The following AFG2A variants were observed in gnomAD, a reference collection of about 807,000 sequenced individuals.
The protein encoded by AFG2A is AAA ATPase AFG2A, also known as ATPase family gene 2 protein homolog A.
At chr4:122,927,300 C>T in the AFG2A span, among the ~76,000 whole-genome samples, 33 of 152,142 alleles carry the variant, frequency 2.2e-4, no homozygotes, top group African/African-American at 2.9e-4. Context: ...ATACTAGTAG[C>T]TGACTCAACT....
the AFG2A span, among the ~76,000 whole-genome samples, chr4:123,116,033 G>C: frequency 3.9e-5 from 6 of 151,976 alleles, no homozygotes; most frequent in African/African-American, 1.4e-4. Flanking sequence ...CCAAGTAGCT[G>C]GGACTACAGG....
the AFG2A span, chr4:122,935,879 A>C: frequency 3.2e-6 from 5 of 1,540,948 alleles, no homozygotes; most frequent in Non-Finnish European, 8.8e-7. Flanking sequence ...ACTTACTATT[A>C]AATATATTTC....
chr4:123,247,420 A>G, the AFG2A span, among the ~76,000 whole-genome samples: 2 of 152,022 alleles, frequency 1.3e-5, no homozygotes, highest in Non-Finnish European at 2.9e-5. Flanking sequence ...TGCTTATTTT[A>G]AGGGTAATTG....
At chr4:122,974,689 G>A in the AFG2A span, among the ~76,000 whole-genome samples, 1 of 152,142 alleles carries the variant, frequency 6.6e-6, no homozygotes, top group African/African-American at 2.4e-5. Context: ...TGCCCAGGCT[G>A]GAGTGCAATG....
At chr4:123,143,729 G>A in the AFG2A span, among the ~76,000 whole-genome samples, 3 of 150,968 alleles carry the variant, frequency 2.0e-5, no homozygotes, top group East Asian at 1.9e-4. Context: ...TGCATTTCTC[G>A]GTGGATGAAT....
the AFG2A span, among the ~76,000 whole-genome samples, chr4:123,199,462 G>GTTTTTTT: frequency 9.5e-4 from 45 of 47,440 alleles, 2 homozygotes; most frequent in African/African-American, 2.5e-3. Context: ...ATACTCAGAG[G>GTTTTTTT]TTTTTTTTTT....
chr4:122,954,378 C>G, the AFG2A span, among the ~76,000 whole-genome samples: 2 of 152,222 alleles, frequency 1.3e-5, no homozygotes, highest in Non-Finnish European at 2.9e-5. Flanking sequence ...TGGTATGCTA[C>G]CATCTTTCAG....
chr4:123,182,785 C>A, the AFG2A span, among the ~76,000 whole-genome samples: 1 of 152,130 alleles, frequency 6.6e-6, no homozygotes, highest in Non-Finnish European at 1.5e-5. Flanking sequence ...TTAGTTATTT[C>A]CAACAAAAGC....
chr4:123,127,005 A>G, the AFG2A span, among the ~76,000 whole-genome samples: 3 of 152,190 alleles, frequency 2.0e-5, no homozygotes, highest in Admixed American at 2.0e-4. Flanking sequence ...AGGATCACTT[A>G]AGGCTAGGAG....
the AFG2A span, among the ~76,000 whole-genome samples, chr4:123,247,876 G>A: frequency 6.6e-6 from 1 of 152,124 alleles, no homozygotes; most frequent in Non-Finnish European, 1.5e-5. Flanking sequence ...AGTATAATTT[G>A]ACTTACCTCA....
At chr4:123,317,224 CAAAAAAAA>C in the AFG2A span, 1 of 104,688 alleles carries the variant, frequency 9.6e-6, no homozygotes, top group Non-Finnish European at 1.8e-5. Flanking sequence ...GACTCCGTCT[CAAAAAAAA>C]AAAAAAAAAA....
chr4:123,275,009 A>G, the AFG2A span, among the ~76,000 whole-genome samples: 108 of 152,232 alleles, frequency 7.1e-4, no homozygotes, highest in Middle Eastern at 3.4e-3. Context: ...TGTGCTGGAA[A>G]AAGTTTGTGT....
At chr4:122,936,707 C>T in the AFG2A span, among the ~76,000 whole-genome samples, 4 of 151,864 alleles carry the variant, frequency 2.6e-5, no homozygotes, top group Non-Finnish European at 5.9e-5. Flanking sequence ...TGGCTGGGTG[C>T]GGTGGCTCAC....
the AFG2A span, among the ~76,000 whole-genome samples, chr4:123,187,099 A>C: frequency 5.9e-5 from 9 of 152,188 alleles, no homozygotes; most frequent in Non-Finnish European, 1.0e-4. Flanking sequence ...TTTTGTTACT[A>C]TTGTTTTGTA....
the AFG2A span, among the ~76,000 whole-genome samples, chr4:123,240,872 T>C: frequency 6.6e-6 from 1 of 151,650 alleles, no homozygotes; most frequent in East Asian, 1.9e-4. Context: ...TCAACAAAAT[T>C]GATAGACTGC....
the AFG2A span, among the ~76,000 whole-genome samples, chr4:122,939,845 T>C: frequency 3.9e-5 from 6 of 152,326 alleles, no homozygotes; most frequent in Admixed American, 6.5e-5. Context: ...TGTGTTCTCA[T>C]TGTTCAATTC....
At chr4:123,155,893 G>C in the AFG2A span, among the ~76,000 whole-genome samples, 1 of 152,150 alleles carries the variant, frequency 6.6e-6, no homozygotes, top group Admixed American at 6.5e-5. Context: ...TTAAACAAAA[G>C]TTCATCTTGG....
the AFG2A span, among the ~76,000 whole-genome samples, chr4:123,149,546 C>T: frequency 6.6e-6 from 1 of 152,166 alleles, no homozygotes; most frequent in Non-Finnish European, 1.5e-5. Flanking sequence ...CTAAGGTGTG[C>T]ATCTGAGAAT....
chr4:122,930,960 G>T, the AFG2A span, among the ~76,000 whole-genome samples: 1 of 22,006 alleles, frequency 4.5e-5, no homozygotes. Context: ...AAATGTGGCA[G>T]CAGAGTATAG....
Sources: allele counts gnomAD v4.1 joint callset (sites outside exome capture counted in the v4.1 genomes callset), GRCh38; gene constraint gnomAD v4.1.1; transcripts MANE v1.5; gene names NCBI Gene and HGNC (gene_info 2026-07-23, HGNC 2026-07-21).